UGT1A9: variants seen among roughly 807,000 people sequenced by gnomAD.
The protein encoded by UGT1A9 is UDP glucuronosyltransferase family 1 member A9.
In UGT1A9, 35 loss-of-function variants were observed where a neutral mutation model predicts 45.0. The observed-to-expected ratio is 0.78, with a 90% CI of 0.59 to 1.03. UGT1A9 has a LOEUF of 1.03. Among genes scored for constraint, UGT1A9 ranks in the 50% least tolerant of loss-of-function variants. The pLI, the probability that UGT1A9 is intolerant of heterozygous loss-of-function variation, is 0.00. For missense variants in UGT1A9, 687 were observed against 666.6 expected, an observed-to-expected ratio of 1.03 and a Z score of -0.34; for synonymous variants, 278 against 250.6, an observed-to-expected ratio of 1.11 and a Z score of -1.03.
intron 1 of UGT1A9, among the ~76,000 whole-genome samples, chr2:233,735,346 T>G (rs559111340): frequency 6.6e-6 from 1 of 152,330 alleles, no homozygotes; most frequent in African/African-American, 2.4e-5. Flanking sequence ...GCTTTTTTTT[T>G]GCTTTCCATT....
At chr2:233,691,355 C>G (rs2075039802) in intron 1 of UGT1A9, 1 of 985,428 alleles carries the variant, frequency 1.0e-6, no homozygotes, top group African/African-American at 1.7e-5. Context: ...ATGCCTTGAA[C>G]AATGAATTTG....
chr2:233,750,471 A>G (rs759933129), intron 1 of UGT1A9: 1 of 152,038 alleles, frequency 6.6e-6, no homozygotes, highest in African/African-American at 2.4e-5. Context: ...AATACTGGCT[A>G]TAGAAATTTG....
chr2:233,736,427 G>A (rs986034532), intron 1 of UGT1A9, among the ~76,000 whole-genome samples: 6 of 152,022 alleles, frequency 3.9e-5, no homozygotes, highest in Admixed American at 3.3e-4. Flanking sequence ...TTTTTTCAAG[G>A]TTCAACCTTC....
Position 233,743,622 on chromosome 2 carries a change from C to T in UGT1A9, c.856-23412C>T, listed in dbSNP as rs146398257. On this transcript the variant is annotated intron_variant, in intron 1 of 4. Coordinates refer to ENST00000354728, the MANE Select transcript of UGT1A9 (RefSeq NM_021027.3). ...TGGCCGCCGAAGAACTCCCTGAAGACGTCGGCTGGGTCGCGGAAGCTGAAG... is the reference window on the plus strand; with the variant it reads ...TGGCCGCCGAAGAACTCCCTGAAGATGTCGGCTGGGTCGCGGAAGCTGAAG... 1.1e-3 allele frequency: 1,535 copies of T among 1,367,328 alleles called. 50 individuals are homozygous for T. In the African/African-American group the frequency reaches 0.021, roughly 19 times the overall value. 84.7% of individuals were successfully genotyped at this position (1,367,328 alleles called of 1,614,324 possible). A position where few individuals can be genotyped will look rare whatever the true frequency, so the allele number is the denominator to read the frequency against.
chr2:233,749,668 C>T (rs1454528355), intron 1 of UGT1A9, among the ~76,000 whole-genome samples: 2 of 151,734 alleles, frequency 1.3e-5, no homozygotes, highest in Non-Finnish European at 2.9e-5. Flanking sequence ...CCCCATAATC[C>T]CCACGTGTCA....
At chr2:233,755,256 T>C in intron 1 of UGT1A9, 1 of 820,386 alleles carries the variant, frequency 1.2e-6, no homozygotes, top group Non-Finnish European at 1.8e-6. Context: ...CAGCACCTCG[T>C]AGTAGTCCAC....
At chr2:233,759,465 A>T (rs1383052277) in intron 1 of UGT1A9, among the ~76,000 whole-genome samples, 2 of 152,106 alleles carry the variant, frequency 1.3e-5, no homozygotes, top group Non-Finnish European at 2.9e-5. Flanking sequence ...GCCACTCAAG[A>T]TCTATCTTAC....
chr2:233,678,113 T>C (rs185760487), intron 1 of UGT1A9, among the ~76,000 whole-genome samples: 26 of 152,260 alleles, frequency 1.7e-4, no homozygotes, highest in Non-Finnish European at 3.5e-4. Flanking sequence ...GGGAGCTAAA[T>C]AGTGGGTACT....
intron 1 of UGT1A9, among the ~76,000 whole-genome samples, chr2:233,766,688 C>T (rs1199007770): frequency 2.6e-5 from 4 of 152,166 alleles, no homozygotes; most frequent in Admixed American, 6.5e-5. Context: ...TTCTGTATCA[C>T]TGATGCCTTG....
intron 1 of UGT1A9, chr2:233,708,298 T>C (rs1286696664): frequency 6.6e-6 from 1 of 152,250 alleles, no homozygotes; most frequent in African/African-American, 2.4e-5. Context: ...CTTTCAGTTT[T>C]TGACAATCCA....
At position 233,742,113 on chromosome 2, in the gene UGT1A9, C is replaced by T. The variant is rs368055004; in HGVS notation, c.856-24921C>T. On this transcript the variant is annotated intron_variant, in intron 1 of 4. Coordinates refer to ENST00000354728, the MANE Select transcript of UGT1A9 (RefSeq NM_021027.3). ...TTCCAGGACCCACTGCCAAGACCAGCTTGGTCGTGGAGACCCTAACCCAGC... is the reference window on the plus strand; with the variant it reads ...TTCCAGGACCCACTGCCAAGACCAGTTTGGTCGTGGAGACCCTAACCCAGC... 2.0e-4 allele frequency among the ~76,000 whole-genome samples: 30 copies of T among 151,982 alleles called. 1 individual carries two copies. The highest frequency in any genetic ancestry group is 7.0e-4 in the African/African-American group (29 of 41,250).
intron 1 of UGT1A9, among the ~76,000 whole-genome samples, chr2:233,724,320 G>A (rs1387925983): frequency 4.7e-5 from 7 of 147,896 alleles, no homozygotes; most frequent in East Asian, 4.4e-4. Context: ...GGACGGGGCG[G>A]CTGGCCAGGC....
At chr2:233,680,092 G>A (rs2074474623) in intron 1 of UGT1A9, among the ~76,000 whole-genome samples, 1 of 151,682 alleles carries the variant, frequency 6.6e-6, no homozygotes, top group Non-Finnish European at 1.5e-5. Context: ...GAAATGGCAG[G>A]CAATCATAGC....
intron 2 of UGT1A9, 140 bp downstream of exon 2, chr2:233,767,305 GTTTT>G: frequency 4.6e-6 from 7 of 1,519,176 alleles, no homozygotes; most frequent in Non-Finnish European, 4.4e-6. Context: ...TAATCCAAAG[GTTTT>G]TTTTGTTGTT....
chr2:233,763,526 C>T (rs17864704), intron 1 of UGT1A9, among the ~76,000 whole-genome samples: 1 of 152,330 alleles, frequency 6.6e-6, no homozygotes, highest in Non-Finnish European at 1.5e-5. Flanking sequence ...TTGCCATTCT[C>T]CTTTTTCCGG....
At chr2:233,688,707 CAA>C (rs2074910962) in intron 1 of UGT1A9, among the ~76,000 whole-genome samples, 1 of 152,136 alleles carries the variant, frequency 6.6e-6, no homozygotes, top group South Asian at 2.1e-4. Flanking sequence ...CTTCATTGAA[CAA>C]ATATCTGTTG....
chr2:233,701,054 A>C (rs1431935742), intron 1 of UGT1A9, among the ~76,000 whole-genome samples: 1 of 152,054 alleles, frequency 6.6e-6, no homozygotes, highest in Non-Finnish European at 1.5e-5. Context: ...TGAACTCATA[A>C]TTTTTTATGG....
intron 3 of UGT1A9, 107 bp from the exon 4 acceptor site, chr2:233,768,113 G>A (rs1271698331): frequency 1.3e-6 from 2 of 1,597,544 alleles, no homozygotes; most frequent in African/African-American, 2.7e-5. Context: ...TTTCTGCAAG[G>A]GCATGTGAGT....
intron 1 of UGT1A9, chr2:233,755,317 G>T: frequency 3.8e-6 from 2 of 525,706 alleles, no homozygotes; most frequent in Non-Finnish European, 6.2e-6. Flanking sequence ...CGAGCGGCAA[G>T]GCTGCCAGCA....
Sources: gnomAD v4.1 joint callset for allele counts (sites outside exome capture counted in the v4.1 genomes callset) on GRCh38, gnomAD v4.1.1 for gene constraint, MANE v1.5 for transcripts, NCBI Gene and HGNC (gene_info 2026-07-23, HGNC 2026-07-21) for gene names.